CNTNAP2: variants seen among roughly 807,000 people sequenced by gnomAD.
The protein encoded by CNTNAP2 is contactin associated protein 2.
A neutral mutation model predicts 155.2 loss-of-function variants in CNTNAP2; 98 were observed. The observed-to-expected ratio is 0.63, with a 90% CI of 0.54 to 0.75. The LOEUF is 0.75. Among genes scored for constraint, CNTNAP2 ranks in the 30% least tolerant of loss-of-function variants. The probability of loss-of-function intolerance (pLI) is 0.00; values close to 1 mark genes in which losing one functional copy is unlikely to be tolerated. For missense variants in CNTNAP2, 1,727 were observed against 1,688.1 expected (o/e 1.02, Z -0.40); for synonymous variants, 651 against 631.2 (o/e 1.03, Z -0.47).
At chr7:146,790,946 G>T (rs543340989) in intron 2 of CNTNAP2, among the ~76,000 whole-genome samples, 6 of 151,230 alleles carry the variant, frequency 4.0e-5, no homozygotes, top group Non-Finnish European at 7.4e-5. Context: ...TTAACTTTAA[G>T]TTCTGGGGTA....
chr7:147,606,778 A>G (rs1801074420), intron 12 of CNTNAP2, among the ~76,000 whole-genome samples: 1 of 152,214 alleles, frequency 6.6e-6, no homozygotes, highest in African/African-American at 2.4e-5. Flanking sequence ...TTGGCCTTGC[A>G]TTGCGGTTTT....
chr7:146,412,323 G>A (rs1020874532), intron 1 of CNTNAP2, among the ~76,000 whole-genome samples: 3 of 152,292 alleles, frequency 2.0e-5, no homozygotes, highest in Non-Finnish European at 4.4e-5. Flanking sequence ...ATAAATGTCT[G>A]CAAAGATGTT....
intron 13 of CNTNAP2, among the ~76,000 whole-genome samples, chr7:147,707,806 C>T (rs1796338559): frequency 6.6e-6 from 1 of 152,180 alleles, no homozygotes; most frequent in Admixed American, 6.5e-5. Flanking sequence ...AGGCCAGTCT[C>T]CAGTCCCACC....
intron 22 of CNTNAP2, among the ~76,000 whole-genome samples, chr7:148,385,751 T>TGTTTGTTTG (rs1563067664): frequency 2.8e-5 from 3 of 106,158 alleles, no homozygotes; most frequent in African/African-American, 1.1e-4. Flanking sequence ...TTTTTTTTTT[T>TGTTTGTTTG]TTTTTTTTTG....
At chr7:147,414,444 A>G (rs1483787337) in intron 10 of CNTNAP2, among the ~76,000 whole-genome samples, 1 of 151,712 alleles carries the variant, frequency 6.6e-6, no homozygotes, top group East Asian at 1.9e-4. Context: ...AAAAAAAAAA[A>G]AAAAAAAGGA....
At chr7:147,071,497 C>T (rs1799890954) in intron 4 of CNTNAP2, among the ~76,000 whole-genome samples, 1 of 152,092 alleles carries the variant, frequency 6.6e-6, no homozygotes, top group East Asian at 1.9e-4. Flanking sequence ...GAAATGAGTT[C>T]CTGATGGCAG....
At chr7:147,289,662 T>G (rs1250652360) in intron 8 of CNTNAP2, among the ~76,000 whole-genome samples, 1 of 152,198 alleles carries the variant, frequency 6.6e-6, no homozygotes, top group Non-Finnish European at 1.5e-5. Flanking sequence ...TTTTGAAGTA[T>G]AGTGATGTTT....
At chr7:147,124,876 C>CTTTTT (rs371912854) in intron 6 of CNTNAP2, among the ~76,000 whole-genome samples, 5 of 80,068 alleles carry the variant, frequency 6.2e-5, no homozygotes, top group Non-Finnish European at 8.6e-5. Flanking sequence ...CCTTTTTTTC[C>CTTTTT]TTTTTTTTTT....
intron 15 of CNTNAP2, among the ~76,000 whole-genome samples, chr7:148,057,231 C>T (rs558975643): frequency 3.9e-5 from 6 of 152,220 alleles, no homozygotes; most frequent in East Asian, 1.9e-4. Flanking sequence ...ATTCACTAAG[C>T]GGTGGGTAGG....
rs181344712 is a variant in CNTNAP2 at position 146,787,653 on chromosome 7, G to A, written c.208+13272G>A. Among the ~76,000 whole-genome samples, 27 of 152,272 alleles carry A rather than the reference G, an allele frequency of 1.8e-4. 1 individual carries two copies. Among genetic ancestry groups the A allele is most frequent in the Admixed American group, 1.2e-3 (18 of 15,290 alleles). On this transcript the variant is annotated intron_variant, in intron 2 of 23. Transcript: ENST00000361727. The stretch of plus-strand genomic sequence containing the variant: ...AGCGAAAGAACAAACCTTCCCCCGC[G>A]CATGAGGGTACCCGAGCAGGTTGTC...
chr7:147,673,636 C>T (rs935169301), intron 13 of CNTNAP2, among the ~76,000 whole-genome samples: 36 of 152,138 alleles, frequency 2.4e-4, no homozygotes, highest in African/African-American at 8.4e-4. Context: ...AAATTAAATG[C>T]TCTGCTGCTG....
At chr7:146,297,049 T>C (rs961656090) in intron 1 of CNTNAP2, among the ~76,000 whole-genome samples, 3 of 152,114 alleles carry the variant, frequency 2.0e-5, no homozygotes, top group African/African-American at 4.8e-5. Flanking sequence ...TTAATATTAC[T>C]TTTCAAGAAG....
chr7:147,339,852 A>C (rs1265934678), intron 9 of CNTNAP2, among the ~76,000 whole-genome samples: 1 of 152,114 alleles, frequency 6.6e-6, no homozygotes, highest in East Asian at 1.9e-4. Context: ...TAATCCAGTA[A>C]ATTGGCCAAA....
intron 19 of CNTNAP2, among the ~76,000 whole-genome samples, chr7:148,224,747 T>G (rs1217983713): frequency 6.6e-6 from 1 of 152,178 alleles, no homozygotes; most frequent in Non-Finnish European, 1.5e-5. Flanking sequence ...TGACTCGCAG[T>G]TCCGCATGGC....
intron 3 of CNTNAP2, among the ~76,000 whole-genome samples, chr7:146,889,640 C>G (rs1795738201): frequency 6.6e-6 from 1 of 152,112 alleles, no homozygotes; most frequent in Non-Finnish European, 1.5e-5. Context: ...ACCACTGAAT[C>G]TTGATCATAT....
chr7:147,785,647 T>C (rs1295917672), intron 13 of CNTNAP2, among the ~76,000 whole-genome samples: 1 of 152,064 alleles, frequency 6.6e-6, no homozygotes, highest in African/African-American at 2.4e-5. Flanking sequence ...AGTAAAGATA[T>C]ACAGATGAAG....
chr7:148,408,415 A>T (rs528640732), intron 22 of CNTNAP2, among the ~76,000 whole-genome samples: 4 of 152,236 alleles, frequency 2.6e-5, no homozygotes, highest in Admixed American at 2.6e-4. Context: ...ATTATCCCGG[A>T]TAATCTTGGA....
rs1584801246 is a variant in CNTNAP2, at chr7:147,044,044, C to A, written c.540C>A (p.Gly180=). ...TTGGACTCAGAATTGAAGTTTATGG[C>A]TGTTCTTACTGTGAGTATCGTATTG... ...GRIGLRIEVY[G]CSYWADVINF... The change falls in exon 4 of 24, where the codon GGC becomes GGA. Residue 180 remains glycine, a synonymous_variant. Coordinates refer to ENST00000361727, the MANE Select transcript of CNTNAP2 (RefSeq NM_014141.6). 6.2e-7 allele frequency: 1 copy of A among 1,613,978 alleles called. No homozygotes were observed. The highest frequency in any genetic ancestry group is 1.3e-5 in the African/African-American group (1 of 74,922).
intron 19 of CNTNAP2, among the ~76,000 whole-genome samples, chr7:148,227,934 T>A (rs549486924): frequency 2.1e-3 from 285 of 136,878 alleles, no homozygotes; most frequent in Non-Finnish European, 3.3e-3. Flanking sequence ...TGTGTGTGTG[T>A]GAAAGTCTGG....
Sources: allele counts gnomAD v4.1 joint callset (sites outside exome capture counted in the v4.1 genomes callset), GRCh38; gene constraint gnomAD v4.1.1; transcripts MANE v1.5; gene names NCBI Gene and HGNC (gene_info 2026-07-23, HGNC 2026-07-21).